MYO3B: variants seen among roughly 807,000 people sequenced by gnomAD.
The protein encoded by MYO3B is myosin-IIIb.
MYO3B carries 156 observed loss-of-function variants against 174.6 expected under a neutral mutation model. The ratio of observed to expected loss-of-function variants is 0.89; its 90% confidence interval spans 0.78 to 1.02. MYO3B has a LOEUF of 1.02. Among genes scored for constraint, MYO3B ranks in the 50% least tolerant of loss-of-function variants. MYO3B has a pLI of 0.00. For missense variants in MYO3B, 1,632 were observed against 1,639.4 expected (o/e 1.00, Z 0.08); for synonymous variants, 563 against 569.1 (o/e 0.99, Z 0.15).
intron 7 of MYO3B, among the ~76,000 whole-genome samples, chr2:170,278,744 C>T (rs974125404): frequency 4.0e-5 from 6 of 150,102 alleles, no homozygotes; most frequent in African/African-American, 1.5e-4. Context: ...ATTAACCAAC[C>T]TCTCTTCCTT....
At chr2:170,187,940 G>T (rs1010121747) in intron 1 of MYO3B, among the ~76,000 whole-genome samples, 5 of 152,170 alleles carry the variant, frequency 3.3e-5, no homozygotes, top group Admixed American at 6.5e-5. Flanking sequence ...TGTGTATTCT[G>T]CAGCCATTGT....
chr2:170,486,489 A>G (rs888506345), intron 25 of MYO3B, among the ~76,000 whole-genome samples: 1 of 152,020 alleles, frequency 6.6e-6, no homozygotes, highest in Non-Finnish European at 1.5e-5. Context: ...TTTTTAGTAG[A>G]GACGGGGTTT....
At chr2:170,396,124 A>G (rs1376710101) in intron 16 of MYO3B, among the ~76,000 whole-genome samples, 1 of 152,226 alleles carries the variant, frequency 6.6e-6, no homozygotes, top group Admixed American at 6.5e-5. Context: ...GAGTAAAGCT[A>G]TTCCACTTTA....
At chr2:170,511,880 G>T (rs1339555875) in intron 28 of MYO3B, among the ~76,000 whole-genome samples, 2 of 152,330 alleles carry the variant, frequency 1.3e-5, no homozygotes, top group East Asian at 3.9e-4. Flanking sequence ...GCTACCAGAA[G>T]CAGGCAGGAC....
rs370199171 is a variant in MYO3B, at chr2:170,653,998, T to A, written c.*877T>A. 3 of 152,162 alleles carry A rather than the reference T, an allele frequency of 2.0e-5. No individual in the cohort carries two copies. The East Asian group carries it at 5.8e-4, about 29-fold the overall frequency. 9.4% of individuals were successfully genotyped at this position (152,162 alleles called of 1,614,324 possible). ...TGTGCACAGAGCCTAGCACAGGGCT[T>A]GGTAGAGGGTATATCTAGTGAATGG... On this transcript the variant is annotated 3_prime_UTR_variant, in exon 35 of 35. Transcript: ENST00000408978.
intron 9 of MYO3B, among the ~76,000 whole-genome samples, chr2:170,371,216 T>TAAAAAAAAA (rs56689548): frequency 2.2e-5 from 2 of 89,716 alleles, no homozygotes; most frequent in Admixed American, 1.3e-4. Flanking sequence ...AGACAGTGTC[T>TAAAAAAAAA]AAAAAAAAAA....
intron 30 of MYO3B, among the ~76,000 whole-genome samples, chr2:170,531,361 G>T (rs1689342792): frequency 1.3e-5 from 2 of 152,130 alleles, no homozygotes; most frequent in Admixed American, 6.5e-5. Context: ...TTGTGGGATT[G>T]TCTTGTGGTT....
intron 23 of MYO3B, 76 bp from the exon 24 acceptor site, chr2:170,463,292 T>C: frequency 7.5e-7 from 1 of 1,334,764 alleles, no homozygotes; most frequent in Admixed American, 1.8e-5. Context: ...CAAACAGGCT[T>C]TCGGATTTTG....
intron 7 of MYO3B, among the ~76,000 whole-genome samples, chr2:170,263,112 A>G (rs1415333344): frequency 6.6e-6 from 1 of 152,216 alleles, no homozygotes; most frequent in East Asian, 1.9e-4. Context: ...GCTGTGTAAC[A>G]AACAACCCTA....
chr2:170,353,726 A>G (rs1398559069), intron 8 of MYO3B, among the ~76,000 whole-genome samples: 1 of 152,228 alleles, frequency 6.6e-6, no homozygotes, highest in Non-Finnish European at 1.5e-5. Context: ...TGTTGTAAAA[A>G]TAAAGTCTTT....
At position 170,653,156 on chromosome 2, in the gene MYO3B, G is replaced by A; in HGVS notation, c.*35G>A. 1 of 1,612,920 alleles carries A rather than the reference G, an allele frequency of 6.2e-7. No individual in the cohort carries two copies. The highest frequency in any genetic ancestry group is 8.5e-7 in the Non-Finnish European group (1 of 1,179,218). ...CCTAACCCTAAATCTGTCCAGAGTA[G>A]GAACATTCATGGTAATCGACTGTCT... On this transcript the variant is annotated 3_prime_UTR_variant, in exon 35 of 35. Coordinates refer to ENST00000408978, the MANE Select transcript of MYO3B (RefSeq NM_138995.5).
In MYO3B at chr2:170,259,509, A is replaced by G. The variant is rs2093329335; in HGVS notation, c.749+23373A>G. Among the ~76,000 whole-genome samples the G allele has an allele frequency of 2.6e-5, 4 of 152,244 alleles. No homozygotes were observed. The South Asian group carries it at 8.3e-4, about 31-fold the overall frequency. On this transcript the variant is annotated intron_variant, in intron 7 of 34. Transcript: ENST00000408978. The stretch of plus-strand genomic sequence containing the variant: ...CTTGGATAACTGGCTATCCTTTTGC[A>G]GAAGAATGAAGCTAGACTCCTACCT...
At chr2:170,529,686 C>G (rs893096174) in intron 30 of MYO3B, among the ~76,000 whole-genome samples, 6 of 152,030 alleles carry the variant, frequency 3.9e-5, no homozygotes, top group African/African-American at 1.4e-4. Context: ...GAGTTTCTGC[C>G]CAAAAGACCT....
chr2:170,207,565 G>C (rs906006234), intron 3 of MYO3B, among the ~76,000 whole-genome samples: 9 of 151,914 alleles, frequency 5.9e-5, no homozygotes, highest in Non-Finnish European at 8.8e-5. Context: ...ACCAGTCTAA[G>C]GTTTGGGAAA....
At chr2:170,526,325 G>A (rs1262684203) in intron 30 of MYO3B, among the ~76,000 whole-genome samples, 1 of 152,196 alleles carries the variant, frequency 6.6e-6, no homozygotes, top group Non-Finnish European at 1.5e-5. Context: ...GTGGGTCATG[G>A]TGATAGAAGT....
At chr2:170,623,941 T>C (rs1355876588) in intron 32 of MYO3B, among the ~76,000 whole-genome samples, 1 of 152,200 alleles carries the variant, frequency 6.6e-6, no homozygotes, top group Non-Finnish European at 1.5e-5. Flanking sequence ...TATTTCTGTT[T>C]TGGTACCAGT....
chr2:170,597,403 G>T (rs1694223382), intron 32 of MYO3B, among the ~76,000 whole-genome samples: 1 of 150,114 alleles, frequency 6.7e-6, no homozygotes, highest in Non-Finnish European at 1.5e-5. Flanking sequence ...AAGCCCTGCC[G>T]AGCTGGTGCT....
At position 170,463,395 on chromosome 2, in the gene MYO3B, C is replaced by T. The variant is rs780879501; in HGVS notation, c.2758C>T (p.Pro920Ser). The part of the protein sequence containing the change: ...KVDTLEVIRH[P>S]EETTNMKRQT... The stretch of plus-strand genomic sequence containing the variant: ...GGACACTCTGGAGGTGATACGGCAT[C>T]CGGAAGAAACCACCAACATGAAGAG... The change falls in exon 24 of 35, where the codon CCG (proline) becomes TCG (serine). Residue 920 changes from proline (P) to serine (S), a missense_variant. Physicochemically the swap from Pro to Ser is moderately conservative, Grantham distance 74. Coordinates refer to ENST00000408978, the MANE Select transcript of MYO3B (RefSeq NM_138995.5). 1 of 1,613,972 alleles carries T rather than the reference C, an allele frequency of 6.2e-7. No individual in the cohort carries two copies. The highest frequency in any genetic ancestry group is 8.5e-7 in the Non-Finnish European group (1 of 1,180,028).
In MYO3B at chr2:170,591,375, AACT is replaced by A. The variant is rs796815368; in HGVS notation, c.3733+47391_3733+47393del. 7.2e-5 allele frequency among the ~76,000 whole-genome samples: 11 copies of A among 152,290 alleles called. 1 individual carries two copies. Among genetic ancestry groups the A allele is most frequent in the African/African-American group, 2.6e-4 (11 of 41,564 alleles). ...CTCATGATCATGCTAAATGAGTTCA[AACT>A]ACTTTCTCTGAGATCAAAAATTAAA... is the stretch of plus-strand genomic sequence containing the variant. On this transcript the variant is annotated intron_variant, in intron 32 of 34. Coordinates refer to ENST00000408978, the MANE Select transcript of MYO3B (RefSeq NM_138995.5).
Sources: allele counts gnomAD v4.1 joint callset (sites outside exome capture counted in the v4.1 genomes callset), GRCh38; gene constraint gnomAD v4.1.1; transcripts MANE v1.5; gene names NCBI Gene and HGNC (gene_info 2026-07-23, HGNC 2026-07-21).